The following SYCP1 variants were observed in gnomAD, a reference collection of about 807,000 sequenced individuals.
SYCP1 encodes the protein cancer/testis antigen 8.
Under a neutral mutation model 153.1 loss-of-function variants are expected in SYCP1, and 64 were observed. The observed-to-expected ratio is 0.42, with a 90% CI of 0.34 to 0.51. The LOEUF (loss-of-function observed/expected upper bound fraction) is 0.51, where lower values mean the gene tolerates loss of function less well. SYCP1 is among the 20% of genes least tolerant of loss of function. The pLI is 0.06. For missense variants in SYCP1, 997 were observed against 1,049.0 expected, an observed-to-expected ratio of 0.95 and a Z score of 0.68; for synonymous variants, 384 against 341.8, an observed-to-expected ratio of 1.12 and a Z score of -1.36.
At chr1:114,926,863 G>A (rs1332414361) in intron 23 of SYCP1, among the ~76,000 whole-genome samples, 1 of 152,046 alleles carries the variant, frequency 6.6e-6, no homozygotes, top group Non-Finnish European at 1.5e-5. Flanking sequence ...ATATTAAAAA[G>A]TGAAATTGAG....
chr1:114,903,818 A>G (rs959509981), intron 16 of SYCP1, among the ~76,000 whole-genome samples: 1 of 152,172 alleles, frequency 6.6e-6, no homozygotes, highest in African/African-American at 2.4e-5. Context: ...GTGATGTAGG[A>G]TGACATTACC....
At chr1:114,890,842 A>G (rs1031121411) in intron 15 of SYCP1, among the ~76,000 whole-genome samples, 2 of 152,272 alleles carry the variant, frequency 1.3e-5, no homozygotes, top group Admixed American at 6.5e-5. Flanking sequence ...CCTCTTAACT[A>G]TCATTTGAAT....
chr1:114,935,906 A>C (rs1457457457), intron 23 of SYCP1, among the ~76,000 whole-genome samples: 1 of 152,218 alleles, frequency 6.6e-6, no homozygotes, highest in African/African-American at 2.4e-5. Flanking sequence ...TGAGGCAATA[A>C]TTAGTAGCCT....
intron 8 of SYCP1, among the ~76,000 whole-genome samples, chr1:114,861,918 G>A (rs566517439): frequency 6.7e-6 from 1 of 149,956 alleles, no homozygotes; most frequent in South Asian, 2.1e-4. Context: ...TCCTTCCTCA[G>A]CCTCGCGAGT....
intron 15 of SYCP1, among the ~76,000 whole-genome samples, chr1:114,891,240 C>T (rs764685553): frequency 1.3e-5 from 2 of 152,176 alleles, no homozygotes; most frequent in Non-Finnish European, 1.5e-5. Context: ...AACCTATGTA[C>T]TGCTCAGATA....
intron 16 of SYCP1, among the ~76,000 whole-genome samples, chr1:114,903,595 A>G (rs909926861): frequency 6.6e-6 from 1 of 152,294 alleles, no homozygotes; most frequent in Admixed American, 6.5e-5. Context: ...AATCATATCA[A>G]AGGAATTTTG....
intron 12 of SYCP1, among the ~76,000 whole-genome samples, chr1:114,878,503 G>A (rs1011960306): frequency 4.6e-5 from 7 of 151,852 alleles, no homozygotes; most frequent in African/African-American, 7.3e-5. Context: ...TCCAAGTGCC[G>A]AGAACAATGC....
At chr1:114,952,476 A>T (rs1183330146) in intron 27 of SYCP1, among the ~76,000 whole-genome samples, 1 of 152,218 alleles carries the variant, frequency 6.6e-6, no homozygotes, top group Non-Finnish European at 1.5e-5. Flanking sequence ...TAAAGAAAAG[A>T]GGTTTAATTG....
At chr1:114,947,566 C>A (rs1214469152) in intron 27 of SYCP1, among the ~76,000 whole-genome samples, 1 of 151,830 alleles carries the variant, frequency 6.6e-6, no homozygotes, top group African/African-American at 2.4e-5. Flanking sequence ...GTAATCCCAG[C>A]ACTTTGGGAG....
intron 8 of SYCP1, among the ~76,000 whole-genome samples, chr1:114,864,511 GGT>G (rs1322131207): frequency 2.6e-5 from 4 of 151,538 alleles, no homozygotes; most frequent in Non-Finnish European, 5.9e-5. Context: ...TGGGGGGTGG[GGT>G]GGTCTCACAC....
In SYCP1 at chr1:114,857,788, C is replaced by T. The variant is rs189128814; in HGVS notation, c.291+291C>T. Among the ~76,000 whole-genome samples, 637 of 151,968 alleles carry T rather than the reference C, an allele frequency of 4.2e-3. 8 individuals carry two copies. The highest frequency in any genetic ancestry group is 0.014 in the Middle Eastern group (4 of 294). Reference sequence around the variant, plus strand: ...ACAAAATCAGCCTTTAATTAATAGACGAAATTGACTGGTTGACTGGTTTAT... The same window carrying T: ...ACAAAATCAGCCTTTAATTAATAGATGAAATTGACTGGTTGACTGGTTTAT... On this transcript the variant is annotated intron_variant, in intron 5 of 31. Coordinates refer to ENST00000369522, the MANE Select transcript of SYCP1 (RefSeq NM_003176.4).
chr1:114,975,878 CT>C (rs973206223), intron 27 of SYCP1, among the ~76,000 whole-genome samples: 2 of 151,704 alleles, frequency 1.3e-5, no homozygotes, highest in Non-Finnish European at 3.0e-5. Context: ...CTCTGTGACT[CT>C]GTGGTCAGAA....
chr1:114,892,050 T>C (rs988771056), intron 15 of SYCP1, among the ~76,000 whole-genome samples: 2 of 152,138 alleles, frequency 1.3e-5, no homozygotes, highest in African/African-American at 4.8e-5. Context: ...GTGGTGGTAG[T>C]GGCAGGCCTG....
chr1:114,981,509 A>T lies in SYCP1; in HGVS notation c.2556A>T (p.Pro852=). 3 of 1,582,590 alleles carry T rather than the reference A, an allele frequency of 1.9e-6. No homozygotes were observed. The highest frequency in any genetic ancestry group is 2.6e-6 in the Non-Finnish European group (3 of 1,171,242). ...AAAATACTTTATCTACACCATTGCC[A>T]AAGGTTTGTGTCTAAATTTTCCATG... ...SAKNTLSTPL[P]KAYTVKTPTK... Residue 852 remains proline, a synonymous_variant, in exon 29 of 32, where the codon CCA becomes CCT. Coordinates refer to ENST00000369522, the MANE Select transcript of SYCP1 (RefSeq NM_003176.4).
chr1:114,862,619 G>A (rs1664456637), intron 8 of SYCP1, among the ~76,000 whole-genome samples: 3 of 152,110 alleles, frequency 2.0e-5, no homozygotes, highest in Non-Finnish European at 2.9e-5. Context: ...GATTACAGGC[G>A]TGAGCCACTG....
intron 16 of SYCP1, among the ~76,000 whole-genome samples, chr1:114,898,871 A>G (rs1179466794): frequency 6.6e-6 from 1 of 152,184 alleles, no homozygotes; most frequent in African/African-American, 2.4e-5. Context: ...TGTATCCTCA[A>G]ATACCTCTGA....
At chr1:114,889,336 C>G (rs1222574863) in intron 15 of SYCP1, among the ~76,000 whole-genome samples, 1 of 152,158 alleles carries the variant, frequency 6.6e-6, no homozygotes, top group African/African-American at 2.4e-5. Context: ...AAAAGCATTC[C>G]TATTTCTCCA....
rs1049889253 is a variant in SYCP1, at chr1:114,961,050, G to C, written c.2322+13730G>C. 3.9e-5 allele frequency among the ~76,000 whole-genome samples: 6 copies of C among 152,254 alleles called. No homozygotes were observed. The East Asian group carries it at 1.2e-3, about 29-fold the overall frequency. On this transcript the variant is annotated intron_variant, in intron 27 of 31. Transcript: ENST00000369522. ...TTGCTGCTTGTTATTGGTCTGTTCA[G>C]AGTTTCTCTTGCTTCCTGGTTTAAT...
At chr1:114,887,783 C>T (rs1666415689) in intron 15 of SYCP1, 90 bp downstream of exon 15, 5 of 832,662 alleles carry the variant, frequency 6.0e-6, no homozygotes, top group Non-Finnish European at 6.9e-6. Context: ...ATAATTTCCC[C>T]TCTGTCATTT....
Sources: allele counts gnomAD v4.1 joint callset (sites outside exome capture counted in the v4.1 genomes callset), GRCh38; gene constraint gnomAD v4.1.1; transcripts MANE v1.5; gene names NCBI Gene and HGNC (gene_info 2026-07-23, HGNC 2026-07-21).